Variants in MICAL2 observed in about 807,000 individuals in gnomAD.
The protein encoded by MICAL2 is [F-actin]-monooxygenase MICAL2.
In MICAL2, 77 loss-of-function variants were observed where a neutral mutation model predicts 127.3. That is an observed-to-expected ratio of 0.60 (90% CI 0.50 to 0.73). The LOEUF is 0.73. Among genes scored for constraint, MICAL2 ranks in the 30% least tolerant of loss-of-function variants. The pLI is 0.00. For missense variants in MICAL2, 1,351 were observed against 1,434.4 expected (o/e 0.94, Z 0.94); for synonymous variants, 570 against 551.1 (o/e 1.03, Z -0.48).
chr11:12,307,367 A>C (rs1465175099), intron 29 of MICAL2, among the ~76,000 whole-genome samples: 1 of 152,188 alleles, frequency 6.6e-6, no homozygotes, highest in Admixed American at 6.5e-5. Flanking sequence ...ATTCTTTCCT[A>C]GTCAGTGGAT....
chr11:12,183,956 G>A (rs1238607619), intron 3 of MICAL2, among the ~76,000 whole-genome samples: 1 of 152,016 alleles, frequency 6.6e-6, no homozygotes, highest in Admixed American at 6.6e-5. Context: ...ATTTTTGTGT[G>A]CTTTTGCAGA....
chr11:12,129,993 G>A (rs1182285779), intron 1 of MICAL2, among the ~76,000 whole-genome samples: 3 of 152,144 alleles, frequency 2.0e-5, no homozygotes, highest in African/African-American at 4.8e-5. Flanking sequence ...GATTACAGGC[G>A]TGAGCCACTG....
intron 5 of MICAL2, among the ~76,000 whole-genome samples, chr11:12,208,660 A>G (rs934936819): frequency 2.6e-5 from 4 of 152,248 alleles, no homozygotes; most frequent in Non-Finnish European, 5.9e-5. Context: ...TAGGCATATC[A>G]TAATGTTTCT....
chr11:12,228,956 C>G (rs1352459379), intron 15 of MICAL2, among the ~76,000 whole-genome samples: 1 of 152,136 alleles, frequency 6.6e-6, no homozygotes, highest in African/African-American at 2.4e-5. Context: ...AGTACCTGCC[C>G]AGAGCTTGCC....
rs1047737042 is a variant in MICAL2, at chr11:12,204,149, A to G, written c.265-101A>G. The G allele has an allele frequency of 8.8e-6, 10 of 1,139,952 alleles. No individual in the cohort carries two copies. The African/African-American group carries it at 1.5e-4, about 17-fold the overall frequency. 70.6% of individuals were successfully genotyped at this position (1,139,952 alleles called of 1,614,324 possible). On this transcript the variant is annotated intron_variant, in intron 3 of 27. Transcript: ENST00000683283. ...ACAGCTTGCACTTGCTGGTTGGTTC[A>G]GGAAGAGTGGGATTTGCGCTTCAGT...
intron 2 of MICAL2, among the ~76,000 whole-genome samples, chr11:12,156,078 T>A (rs1049886058): frequency 6.6e-6 from 1 of 151,970 alleles, no homozygotes; most frequent in African/African-American, 2.4e-5. Flanking sequence ...AGAACTTGGG[T>A]TCTCAGTGAA....
intron 16 of MICAL2, among the ~76,000 whole-genome samples, chr11:12,236,790 A>G (rs944616062): frequency 1.3e-5 from 2 of 152,240 alleles, no homozygotes. Context: ...ATCAAGGGGA[A>G]AGAGTGTCAG....
At chr11:12,168,033 G>A (rs1397240785) in intron 3 of MICAL2, among the ~76,000 whole-genome samples, 2 of 152,064 alleles carry the variant, frequency 1.3e-5, no homozygotes, top group East Asian at 3.8e-4. Flanking sequence ...CAGGTGGGAT[G>A]GTTCACGCCT....
At position 12,316,345 on chromosome 11, in the gene MICAL2, T is replaced by C. The variant is rs971477923; in HGVS notation, c.5213-3351T>C. ...TTCTTTGTGTCTTCAATTTCTTTTA[T>C]TAATGTTTTATGATTTTCAGTGTAT... On this transcript the variant is annotated intron_variant, in intron 29 of 34. Coordinates refer to the MICAL2 transcript ENST00000646065. 3.3e-5 allele frequency among the ~76,000 whole-genome samples: 5 copies of C among 151,850 alleles called. 1 individual carries two copies. The South Asian group carries it at 1.0e-3, about 31-fold the overall frequency.
rs547862972 is a variant in MICAL2 at position 12,205,633 on chromosome 11, A to G, written c.472+1176A>G. Among the ~76,000 whole-genome samples the G allele has an allele frequency of 7.9e-5, 12 of 152,348 alleles. No homozygotes were observed. In the East Asian group the frequency reaches 1.5e-3, roughly 20 times the overall value. ...TCCAAAATATGTCTCTTCCATTTCT[A>G]TCTGGCTTGGGGCAAATCCCTTACC... is the stretch of plus-strand genomic sequence containing the variant. On this transcript the variant is annotated intron_variant, in intron 4 of 27. Transcript: ENST00000683283.
chr11:12,208,187 T>C (rs1159097979), intron 5 of MICAL2, 48 bp downstream of exon 5: 2 of 1,423,430 alleles, frequency 1.4e-6, no homozygotes, highest in African/African-American at 2.8e-5. Context: ...TACTACAAAA[T>C]AGAAATTCCA....
chr11:12,121,322 GC>G (rs1458600008), intron 1 of MICAL2, among the ~76,000 whole-genome samples: 1 of 152,216 alleles, frequency 6.6e-6, no homozygotes, highest in Non-Finnish European at 1.5e-5. Context: ...TACTGCTGGA[GC>G]AGGAGCAGGA....
Position 12,149,710 on chromosome 11 carries a change from G to A in MICAL2, c.-78+11250G>A, listed in dbSNP as rs141394579. Among the ~76,000 whole-genome samples the A allele has an allele frequency of 9.3e-4, 141 of 152,326 alleles. 5 individuals carry two copies. In the East Asian group the frequency reaches 0.023, roughly 25 times the overall value. The stretch of plus-strand genomic sequence containing the variant: ...GTTGGGGCTGCAGGAGAAGGAACAG[G>A]TGGGGTTGCAAGGGAAATTGGCCAC... On this transcript the variant is annotated intron_variant, in intron 2 of 27. Coordinates refer to ENST00000683283, the MANE Select transcript of MICAL2 (RefSeq NM_001282663.2).
intron 29 of MICAL2, among the ~76,000 whole-genome samples, chr11:12,301,279 A>C (rs1249374995): frequency 6.6e-6 from 1 of 152,232 alleles, no homozygotes; most frequent in Non-Finnish European, 1.5e-5. Flanking sequence ...GTACACAGCC[A>C]AACCATATCA....
At position 12,223,773 on chromosome 11, in the gene MICAL2, A is replaced by G. The variant is rs116049253; in HGVS notation, c.1540+272A>G. Reference sequence around the variant, plus strand: ...TAAACATGAACCAGGGGATTATTTCACTGGGACTTGTTCTTATTTTCCTGT... The same window carrying G: ...TAAACATGAACCAGGGGATTATTTCGCTGGGACTTGTTCTTATTTTCCTGT... On this transcript the variant is annotated intron_variant, in intron 12 of 27. Transcript: ENST00000683283. Among the ~76,000 whole-genome samples, 1,127 of 152,276 alleles carry G rather than the reference A, an allele frequency of 7.4e-3. 8 individuals are homozygous for G. The highest frequency in any genetic ancestry group is 0.021 in the African/African-American group (854 of 41,546).
chr11:12,219,585 A>C (rs1274130183), intron 8 of MICAL2, among the ~76,000 whole-genome samples: 2 of 151,540 alleles, frequency 1.3e-5, no homozygotes, highest in Non-Finnish European at 2.9e-5. Flanking sequence ...CGGCCCATCA[A>C]GTAAAGGGGT....
intron 1 of MICAL2, among the ~76,000 whole-genome samples, chr11:12,124,205 T>C (rs576805257): frequency 1.3e-5 from 2 of 152,222 alleles, no homozygotes; most frequent in East Asian, 3.9e-4. Context: ...CAGAATCCTA[T>C]TTAAGTATGC....
intron 29 of MICAL2, among the ~76,000 whole-genome samples, chr11:12,308,514 T>A (rs1864138425): frequency 1.3e-5 from 2 of 152,230 alleles, no homozygotes; most frequent in Admixed American, 1.3e-4. Context: ...TATTTCATGT[T>A]TTTGTTGCCA....
At chr11:12,279,480 C>T (rs894676119) in intron 1 of MICAL2, among the ~76,000 whole-genome samples, 2 of 152,126 alleles carry the variant, frequency 1.3e-5, no homozygotes, top group African/African-American at 4.8e-5. Flanking sequence ...AATGACCTGC[C>T]CTGGATCACA....
Sources: gnomAD v4.1 joint callset for allele counts (sites outside exome capture counted in the v4.1 genomes callset) on GRCh38, gnomAD v4.1.1 for gene constraint, MANE v1.5 for transcripts, NCBI Gene and HGNC (gene_info 2026-07-23, HGNC 2026-07-21) for gene names.